The following GRB10 variants were observed in gnomAD, a reference collection of about 807,000 sequenced individuals.
GRB10 encodes the protein growth factor receptor-bound protein 10.
In GRB10, 20 loss-of-function variants were observed where a neutral mutation model predicts 80.9. The ratio of observed to expected loss-of-function variants is 0.25; its 90% CI spans 0.17 to 0.36. The LOEUF (loss-of-function observed/expected upper bound fraction) is 0.36, where lower values mean the gene tolerates loss of function less well. Among genes scored for constraint, GRB10 ranks in the 10% least tolerant of loss-of-function variants. The pLI is 1.00. For synonymous variants in GRB10, 291 were observed against 291.5 expected, an observed-to-expected ratio of 1.00 and a Z score of 0.02; for missense variants, 548 against 747.7, an observed-to-expected ratio of 0.73 and a Z score of 3.12.
chr7:50,601,001 C>A (rs138264373), intron 17 of GRB10, among the ~76,000 whole-genome samples: 1 of 152,300 alleles, frequency 6.6e-6, no homozygotes, highest in African/African-American at 2.4e-5. Context: ...CAGTAGGGGA[C>A]ATTTTAAAAA....
chr7:50,630,030 T>C, intron 7 of GRB10, among the ~76,000 whole-genome samples: 1 of 152,160 alleles, frequency 6.6e-6, no homozygotes, highest in East Asian at 1.9e-4. Flanking sequence ...CCAGGAAAGG[T>C]GAGAAGCTGA....
intron 1 of GRB10, chr7:50,792,582 G>A: frequency 2.5e-6 from 1 of 398,298 alleles, no homozygotes; most frequent in Non-Finnish European, 4.4e-6. Flanking sequence ...GCTGGCGGGC[G>A]GCTAATCCGC....
chr7:50,674,923 G>C (rs1466982872), intron 5 of GRB10, among the ~76,000 whole-genome samples: 6 of 152,170 alleles, frequency 3.9e-5, no homozygotes, highest in African/African-American at 1.4e-4. Context: ...GCCATTCAGA[G>C]CATCTGCTCA....
intron 13 of GRB10, among the ~76,000 whole-genome samples, chr7:50,609,982 T>C (rs934582615): frequency 5.9e-5 from 9 of 152,204 alleles, no homozygotes; most frequent in African/African-American, 1.9e-4. Flanking sequence ...AAGAAGGTCC[T>C]AGGTTAATTC....
chr7:50,740,855 GA>G, intron 3 of GRB10, among the ~76,000 whole-genome samples: 1 of 148,804 alleles, frequency 6.7e-6, no homozygotes, highest in East Asian at 1.9e-4. Context: ...AAGGCAAATA[GA>G]AAAGCTTTAA....
chr7:50,749,153 G>T (rs2073684698), intron 3 of GRB10, among the ~76,000 whole-genome samples: 1 of 100,166 alleles, frequency 1.0e-5, no homozygotes, highest in Non-Finnish European at 2.3e-5. Context: ...TTTTGAGATG[G>T]AGTCTCACTC....
intron 4 of GRB10, among the ~76,000 whole-genome samples, chr7:50,715,715 C>T (rs1028599635): frequency 6.6e-6 from 1 of 152,216 alleles, no homozygotes; most frequent in African/African-American, 2.4e-5. Flanking sequence ...TGTTCCAAAG[C>T]AAATCTACTC....
chr7:50,749,077 G>A (rs1034285789), intron 3 of GRB10, among the ~76,000 whole-genome samples: 2 of 151,002 alleles, frequency 1.3e-5, no homozygotes, highest in Non-Finnish European at 2.9e-5. Context: ...TTACAAACAC[G>A]TTAGTCAATT....
intron 3 of GRB10, among the ~76,000 whole-genome samples, chr7:50,738,935 C>T (rs574451197): frequency 2.0e-4 from 30 of 152,154 alleles, no homozygotes; most frequent in African/African-American, 7.2e-4. Flanking sequence ...AGGTTAAACC[C>T]TCCTTTGCAA....
chr7:50,728,580 T>C (rs1302150502), intron 4 of GRB10, among the ~76,000 whole-genome samples: 1 of 152,138 alleles, frequency 6.6e-6, no homozygotes, highest in Non-Finnish European at 1.5e-5. Flanking sequence ...AAAACTTTCT[T>C]CTGTAAAGGG....
Position 50,709,617 on chromosome 7 carries a change from C to T in GRB10, c.52-5709G>A, listed in dbSNP as rs180886183. On this transcript the variant is annotated intron_variant, in intron 4 of 18. Coordinates refer to ENST00000401949, the MANE Select transcript of GRB10 (RefSeq NM_001350814.2). ...CCGGAGGGTGCCTGCTGCAGACTGC[C>T]GAGACCCTGGCTAACAGAGGCAGGT... Among the ~76,000 whole-genome samples, 78 of 149,634 alleles carry T rather than the reference C, an allele frequency of 5.2e-4. 2 individuals carry two copies. In the East Asian group the frequency reaches 0.014, roughly 28 times the overall value.
chr7:50,654,187 C>T (rs575516894), intron 7 of GRB10, among the ~76,000 whole-genome samples: 112 of 152,298 alleles, frequency 7.4e-4, no homozygotes, highest in Non-Finnish European at 1.2e-3. Flanking sequence ...GCAGCATGTC[C>T]CCAGCTTCTC....
Position 50,771,283 on chromosome 7 carries a change from C to T in GRB10, c.-217+9344G>A, listed in dbSNP as rs893806858. Reference sequence around the variant, plus strand: ...GACATTCCATTCCGGTCCACTCCACCAGTCTACTCCTCCAGGGCCAGTTTG... The same window carrying T: ...GACATTCCATTCCGGTCCACTCCACTAGTCTACTCCTCCAGGGCCAGTTTG... On this transcript the variant is annotated intron_variant, in intron 2 of 18. Coordinates refer to ENST00000401949, the MANE Select transcript of GRB10 (RefSeq NM_001350814.2). 2.6e-5 allele frequency among the ~76,000 whole-genome samples: 4 copies of T among 152,306 alleles called. 1 individual carries two copies. Among genetic ancestry groups the T allele is most frequent in the South Asian group, 4.1e-4 (2 of 4,828 alleles).
intron 8 of GRB10, among the ~76,000 whole-genome samples, chr7:50,623,415 G>A (rs2052253241): frequency 6.6e-6 from 1 of 152,252 alleles, no homozygotes; most frequent in East Asian, 1.9e-4. Context: ...AGGAGCTAAC[G>A]CTGGGAAGGG....
At chr7:50,669,601 TGA>T (rs2060156101) in intron 7 of GRB10, 119 bp downstream of exon 7, 2 of 946,430 alleles carry the variant, frequency 2.1e-6, no homozygotes, top group Middle Eastern at 3.2e-4. Flanking sequence ...AGAAAAGAAC[TGA>T]GAGAGAAGAT....
In GRB10 at chr7:50,712,063, A is replaced by T. The variant is rs75995825; in HGVS notation, c.52-8155T>A. ...ATCTGTCACTCAGAGAATTCCTAAAACATGCAGAAACTCCACAAGGCTGAA... is the reference window on the plus strand; with the variant it reads ...ATCTGTCACTCAGAGAATTCCTAAATCATGCAGAAACTCCACAAGGCTGAA... On this transcript the variant is annotated intron_variant, in intron 4 of 18. Transcript: ENST00000401949. Among the ~76,000 whole-genome samples, 188 of 152,276 alleles carry T rather than the reference A, an allele frequency of 1.2e-3. 4 individuals carry two copies. In the East Asian group the frequency reaches 0.028, roughly 22 times the overall value.
chr7:50,605,201 G>C, intron 15 of GRB10, 89 bp downstream of exon 15: 1 of 990,614 alleles, frequency 1.0e-6, no homozygotes. Context: ...TTGCCAACCC[G>C]CATAGAGCTG....
chr7:50,722,496 A>G (rs2067919830), intron 4 of GRB10, among the ~76,000 whole-genome samples: 1 of 152,208 alleles, frequency 6.6e-6, no homozygotes, highest in South Asian at 2.1e-4. Flanking sequence ...CAGAAAGCAC[A>G]TTCCCATCTG....
intron 3 of GRB10, 32 bp from the exon 4 acceptor site, chr7:50,732,400 CCAGAAA>C: frequency 7.7e-7 from 1 of 1,291,112 alleles, no homozygotes; most frequent in East Asian, 2.4e-5. Flanking sequence ...AGAAGCCAAG[CCAGAAA>C]AAAAAAAAAA....
Sources: allele counts gnomAD v4.1 joint callset (sites outside exome capture counted in the v4.1 genomes callset), GRCh38; gene constraint gnomAD v4.1.1; transcripts MANE v1.5; gene names NCBI Gene and HGNC (gene_info 2026-07-23, HGNC 2026-07-21).